Variants in USP44 observed in about 807,000 individuals in gnomAD.
USP44 encodes ubiquitin carboxyl-terminal hydrolase 44.
In USP44, 61 loss-of-function variants were observed where a neutral mutation model predicts 69.0. The ratio of observed to expected loss-of-function variants is 0.88; its 90% CI spans 0.72 to 1.09. The LOEUF is 1.09. USP44 is among the 50% of genes least tolerant of loss of function. The pLI, the probability that USP44 is intolerant of heterozygous loss-of-function variation, is 0.00. For missense variants in USP44, 753 were observed against 849.9 expected (o/e 0.89, Z 1.42); for synonymous variants, 297 against 295.4 (o/e 1.01, Z -0.06).
At chr12:95,536,034 TTTTC>T (rs1565828248) in intron 1 of USP44, among the ~76,000 whole-genome samples, 15 of 128,270 alleles carry the variant, frequency 1.2e-4, no homozygotes, top group South Asian at 2.4e-4. Flanking sequence ...CTTTCCTTTT[TTTTC>T]CTTTTTTTTT....
intron 2 of USP44, among the ~76,000 whole-genome samples, chr12:95,531,165 A>AAAAAAC (rs1222755889): frequency 6.6e-6 from 1 of 152,054 alleles, no homozygotes; most frequent in Admixed American, 6.5e-5. Context: ...CTCTGTCTCA[A>AAAAAAC]AAAAACAAAA....
chr12:95,551,095 C>A (rs779678512), intron 1 of USP44, among the ~76,000 whole-genome samples, 177 bp downstream of exon 1: 2 of 151,984 alleles, frequency 1.3e-5, no homozygotes, highest in Admixed American at 6.6e-5. Flanking sequence ...GCTCCAGAAC[C>A]TCTCTATTGC....
chr12:95,550,054 C>T (rs2077695532), intron 1 of USP44, among the ~76,000 whole-genome samples: 1 of 152,012 alleles, frequency 6.6e-6, no homozygotes, highest in Non-Finnish European at 1.5e-5. Flanking sequence ...TGGCGGGCAC[C>T]TGTAATCCCA....
chr12:95,529,148 A>T (rs1037652383), intron 2 of USP44, 146 bp from the exon 3 acceptor site: 1 of 740,834 alleles, frequency 1.3e-6, no homozygotes, highest in African/African-American at 1.8e-5. Context: ...TATTCTTGTC[A>T]GGAAATCTTT....
intron 4 of USP44, among the ~76,000 whole-genome samples, chr12:95,523,864 G>A (rs1462146148): frequency 6.6e-6 from 1 of 151,798 alleles, no homozygotes; most frequent in East Asian, 1.9e-4. Flanking sequence ...GCTCACACCT[G>A]TCATCTCAAC....
At chr12:95,538,431 T>C (rs934973972) in intron 1 of USP44, among the ~76,000 whole-genome samples, 3 of 152,138 alleles carry the variant, frequency 2.0e-5, no homozygotes, top group Non-Finnish European at 4.4e-5. Context: ...TAGCCAGGGA[T>C]TCCTTCTTCT....
chr12:95,523,327 G>A (rs1433203075), intron 4 of USP44, among the ~76,000 whole-genome samples: 1 of 152,206 alleles, frequency 6.6e-6, no homozygotes, highest in African/African-American at 2.4e-5. Flanking sequence ...ACTGGGGTCT[G>A]AAGTGGGGGT....
At chr12:95,524,854 CCTT>C in intron 3 of USP44, 66 bp from the exon 4 acceptor site, 2 of 1,389,346 alleles carry the variant, frequency 1.4e-6, no homozygotes, top group Non-Finnish European at 2.0e-6. Context: ...GCTGAGTGAA[CCTT>C]CTTTTTAATT....
At chr12:95,542,715 C>T (rs567816677) in intron 1 of USP44, among the ~76,000 whole-genome samples, 33 of 148,432 alleles carry the variant, frequency 2.2e-4, no homozygotes, top group Admixed American at 1.1e-3. Context: ...TGAGCCACTG[C>T]ACTCCAGCCT....
chr12:95,518,832 A>C (rs2076558036), intron 5 of USP44, among the ~76,000 whole-genome samples: 1 of 152,108 alleles, frequency 6.6e-6, no homozygotes, highest in Admixed American at 6.6e-5. Context: ...CCAGCTACTC[A>C]GGAGGCTGAA....
At position 95,533,237 on chromosome 12, in the gene USP44, T is replaced by C; in HGVS notation, c.1020A>G (p.Lys340=). 1 of 1,614,128 alleles carries C rather than the reference T, an allele frequency of 6.2e-7. No homozygotes were observed. Among genetic ancestry groups the C allele is most frequent in the Non-Finnish European group, 8.5e-7 (1 of 1,179,986 alleles). ...GTCTGGAGCAAACAAAACCTGTATC[T>C]TTTTCCTGACATTCATTCATTTGAT... ...VVYQMNECQE[K]DTGFVCSRQS... Residue 340 remains lysine, a synonymous_variant, in exon 2 of 6, where the codon AAA becomes AAG. Transcript: ENST00000258499.
In USP44 at chr12:95,534,111, C is replaced by T; in HGVS notation, c.146G>A (p.Cys49Tyr). 6.2e-7 allele frequency: 1 copy of T among 1,614,214 alleles called. No individual in the cohort carries two copies. The highest frequency in any genetic ancestry group is 8.5e-7 in the Non-Finnish European group (1 of 1,180,034). Residue 49 changes from cysteine to tyrosine, a missense_variant, in exon 2 of 6, where the codon TGT becomes TAT. Transcript: ENST00000258499. ...TGCATGCTCTTCAATATATCTTCCACAGGCAACATGGGAGCAGCTAAGGCA... is the reference window on the plus strand; with the variant it reads ...TGCATGCTCTTCAATATATCTTCCATAGGCAACATGGGAGCAGCTAAGGCA... The part of the protein sequence containing the change: ...WACLSCSHVA[C>Y]GRYIEEHALK...
Position 95,547,231 on chromosome 12 carries a change from T to A in USP44, c.-71+4041A>T, listed in dbSNP as rs570884620. ...AAATATTTCAGCTTTCTAAACTGTA[T>A]GCACTGGACTAACTGTTCAATATTA... On this transcript the variant is annotated intron_variant, in intron 1 of 5. Coordinates refer to ENST00000258499, the MANE Select transcript of USP44 (RefSeq NM_032147.5). 2.0e-5 allele frequency among the ~76,000 whole-genome samples: 3 copies of A among 152,344 alleles called. No individual in the cohort carries two copies. The South Asian group carries it at 6.2e-4, about 32-fold the overall frequency.
chr12:95,538,996 C>G (rs1297854795), intron 1 of USP44, among the ~76,000 whole-genome samples: 1 of 152,204 alleles, frequency 6.6e-6, no homozygotes, highest in Admixed American at 6.5e-5. Context: ...TATTACCTGA[C>G]AAAACATTTT....
In USP44 at chr12:95,533,675, C is replaced by T. The variant is rs2077101162; in HGVS notation, c.582G>A (p.Arg194=). The part of the protein sequence containing the change: ...IVVKREVKKR[R]QELEYQVKAE... ...CTTTAACTTGATACTCCAATTCCTG[C>T]CGTCTTTTCTTTACTTCTCTTTTTA... is the stretch of plus-strand genomic sequence containing the variant. Residue 194 remains arginine (R), a synonymous_variant, in exon 2 of 6, where the codon CGG becomes CGA. Transcript: ENST00000258499. 1.2e-6 allele frequency: 2 copies of T among 1,613,844 alleles called. No individual in the cohort carries two copies. Among genetic ancestry groups the T allele is most frequent in the East Asian group, 2.2e-5 (1 of 44,882 alleles).
intron 2 of USP44, among the ~76,000 whole-genome samples, chr12:95,530,222 C>G (rs531056889): frequency 1.3e-5 from 2 of 152,366 alleles, no homozygotes; most frequent in South Asian, 4.1e-4. Flanking sequence ...ACAAAGAACT[C>G]TCCTGGCGTT....
At chr12:95,538,009 A>T (rs2077262362) in intron 1 of USP44, among the ~76,000 whole-genome samples, 1 of 152,240 alleles carries the variant, frequency 6.6e-6, no homozygotes, top group African/African-American at 2.4e-5. Flanking sequence ...AGATAATAAC[A>T]AAGTACTTGA....
intron 1 of USP44, among the ~76,000 whole-genome samples, chr12:95,536,039 C>CTTTTTTTTTTTTT (rs397821709): frequency 2.1e-5 from 2 of 97,532 alleles, no homozygotes; most frequent in African/African-American, 8.5e-5. Context: ...CTTTTTTTTC[C>CTTTTTTTTTTTTT]TTTTTTTTTT....
In USP44 at chr12:95,518,342, G is replaced by A; in HGVS notation, c.1951C>T (p.His651Tyr). Residue 651 changes from histidine (H) to tyrosine (Y), a missense_variant, in exon 6 of 6, where the codon CAC (histidine) becomes TAC (tyrosine). By Grantham distance (83) the His-to-Tyr change is moderately conservative. Transcript: ENST00000258499. ...ATGCTTAGTTTGGAATCATTGCAGT[G>A]TACCCAGAACCCTAGAGTGAAGCAC... Reference protein sequence around the residue: ...CYNSEGGFWVHCNDSKLSMCT... With the variant: ...CYNSEGGFWVYCNDSKLSMCT... 1.2e-6 allele frequency: 2 copies of A among 1,614,136 alleles called. No homozygotes were observed. The highest frequency in any genetic ancestry group is 1.7e-6 in the Non-Finnish European group (2 of 1,180,012).
Sources: gnomAD v4.1 joint callset for allele counts (sites outside exome capture counted in the v4.1 genomes callset) on GRCh38, gnomAD v4.1.1 for gene constraint, MANE v1.5 for transcripts, NCBI Gene and HGNC (gene_info 2026-07-23, HGNC 2026-07-21) for gene names.